The following OLFML2B variants were observed in gnomAD, a reference collection of about 807,000 sequenced individuals.
The protein encoded by OLFML2B is olfactomedin like 2B.
In OLFML2B, 57 loss-of-function variants were observed where a neutral mutation model predicts 74.9. The observed-to-expected ratio is 0.76, with a 90% CI of 0.61 to 0.95. The LOEUF is 0.95. OLFML2B is among the 40% of genes least tolerant of loss of function. OLFML2B has a pLI of 0.00. For missense variants in OLFML2B, 986 were observed against 970.6 expected (o/e 1.02, Z -0.21); for synonymous variants, 388 against 405.8 (o/e 0.96, Z 0.53).
intron 6 of OLFML2B, among the ~76,000 whole-genome samples, chr1:161,989,217 A>G (rs1689671966): frequency 6.6e-6 from 1 of 152,040 alleles, no homozygotes; most frequent in Admixed American, 6.6e-5. Context: ...ACCATCTCCA[A>G]CCACCAAGTG....
intron 6 of OLFML2B, among the ~76,000 whole-genome samples, chr1:161,991,839 C>A (rs750548995): frequency 5.9e-5 from 9 of 152,204 alleles, no homozygotes; most frequent in Non-Finnish European, 8.8e-5. Context: ...CTTTGTTGTT[C>A]CATGTATAGA....
At chr1:162,020,230 T>C (rs1690664568) in intron 1 of OLFML2B, 48 bp from the exon 2 acceptor site, 1 of 1,600,352 alleles carries the variant, frequency 6.2e-7, no homozygotes, top group South Asian at 1.1e-5. Context: ...CAGGTGTCAG[T>C]CAGCCTCCAG....
chr1:161,991,378 T>C (rs1689738768), intron 6 of OLFML2B, among the ~76,000 whole-genome samples: 1 of 152,252 alleles, frequency 6.6e-6, no homozygotes, highest in African/African-American at 2.4e-5. Context: ...TTCATCTCCT[T>C]GCACATCTCC....
At chr1:161,990,356 C>A (rs1246949374) in intron 6 of OLFML2B, among the ~76,000 whole-genome samples, 1 of 152,154 alleles carries the variant, frequency 6.6e-6, no homozygotes, top group African/African-American at 2.4e-5. Flanking sequence ...TTAATACAGG[C>A]ATACCTCAAA....
In OLFML2B at chr1:162,019,906, T is replaced by C. The variant is rs758789945; in HGVS notation, c.438+13A>G. The C allele has an allele frequency of 1.5e-5, 24 of 1,613,528 alleles. No individual in the cohort carries two copies. The African/African-American group carries it at 2.8e-4, about 19-fold the overall frequency. Reference sequence around the variant, plus strand: ...CCCTCTCGTCCAAGGCATTGCCCCATACCAGGTCCTACCTTCAAGTCCTGG... The same window carrying C: ...CCCTCTCGTCCAAGGCATTGCCCCACACCAGGTCCTACCTTCAAGTCCTGG... On this transcript the variant is annotated intron_variant, in intron 2 of 7. Transcript: ENST00000294794.
intron 3 of OLFML2B, among the ~76,000 whole-genome samples, chr1:162,007,782 G>A (rs1390518990): frequency 1.3e-5 from 2 of 152,146 alleles, no homozygotes; most frequent in African/African-American, 4.8e-5. Context: ...TACAGGGGCT[G>A]CCCAGAGAAG....
chr1:162,022,745 A>T (rs904034322), intron 1 of OLFML2B, among the ~76,000 whole-genome samples: 1 of 151,280 alleles, frequency 6.6e-6, no homozygotes, highest in Non-Finnish European at 1.5e-5. Context: ...CTCCCAGTAC[A>T]CTCCGTCATG....
At chr1:162,020,263 GT>G in intron 1 of OLFML2B, 81 bp from the exon 2 acceptor site, 1 of 1,528,256 alleles carries the variant, frequency 6.5e-7, no homozygotes, top group Non-Finnish European at 8.9e-7. Context: ...CATTTACTTA[GT>G]CAAATGTCCT....
Position 161,998,040 on chromosome 1 carries a change from G to C in OLFML2B, c.1259C>G (p.Thr420Ser). 6.2e-7 allele frequency: 1 copy of C among 1,614,146 alleles called. No individual in the cohort carries two copies. Among genetic ancestry groups the C allele is most frequent in the Non-Finnish European group, 8.5e-7 (1 of 1,180,010 alleles). ...LQPSPQVPAT[T>S]VAHTATQQPA... ...TTGCTGGGTGGCTGTGTGGGCCACA[G>C]TGGTGGCTGGTACCTGAGGAGAAGG... Residue 420 changes from threonine to serine, a missense_variant, in exon 6 of 8, where the codon ACT (threonine) becomes AGT (serine). Physicochemically the swap from Thr to Ser is moderately conservative, Grantham distance 58. Coordinates refer to ENST00000294794, the MANE Select transcript of OLFML2B (RefSeq NM_015441.3).
At chr1:162,010,257 T>C (rs898193258) in intron 3 of OLFML2B, among the ~76,000 whole-genome samples, 1 of 152,158 alleles carries the variant, frequency 6.6e-6, no homozygotes, top group Non-Finnish European at 1.5e-5. Flanking sequence ...CTCAGAGGTG[T>C]TCATAGAACA....
At position 162,019,986 on chromosome 1, in the gene OLFML2B, G is replaced by A. The variant is rs1690649998; in HGVS notation, c.371C>T (p.Ala124Val). 15 of 1,614,074 alleles carry A rather than the reference G, an allele frequency of 9.3e-6. No individual in the cohort carries two copies. Among genetic ancestry groups the A allele is most frequent in the Non-Finnish European group, 1.3e-5 (15 of 1,180,036 alleles). ...CKCACVAPPS[A>V]LNPCEGDFRL... is the part of the protein sequence containing the mutation. ...GAAGTCTCCCTCGCAGGGATTGAGG[G>A]CCGATGGGGGTGCTACACAGGCACA... Residue 124 changes from alanine (A) to valine (V), a missense_variant, in exon 2 of 8, where the codon GCC (alanine) becomes GTC (valine). Coordinates refer to ENST00000294794, the MANE Select transcript of OLFML2B (RefSeq NM_015441.3).
At chr1:162,014,427 C>T (rs897415481) in intron 3 of OLFML2B, among the ~76,000 whole-genome samples, 6 of 152,152 alleles carry the variant, frequency 3.9e-5, no homozygotes, top group African/African-American at 1.2e-4. Flanking sequence ...GGCTATATCC[C>T]ATAAATGTGT....
intron 6 of OLFML2B, among the ~76,000 whole-genome samples, chr1:161,995,205 A>G (rs1446804442): frequency 1.3e-5 from 2 of 149,888 alleles, no homozygotes; most frequent in African/African-American, 2.5e-5. Context: ...TGTTGAAGCT[A>G]GACAATGCCT....
chr1:161,996,134 G>A lies in OLFML2B; in HGVS notation c.1474+1691C>T, dbSNP rs1221004690. ...CAGCGTTCATGAGATTTTGCCCTGG[G>A]GTCCATTTCTATGGGCTATTTCACT... On this transcript the variant is annotated intron_variant, in intron 6 of 7. Coordinates refer to ENST00000294794, the MANE Select transcript of OLFML2B (RefSeq NM_015441.3). 5.9e-5 allele frequency among the ~76,000 whole-genome samples: 9 copies of A among 152,172 alleles called. No homozygotes were observed. In the South Asian group the frequency reaches 8.3e-4, roughly 14 times the overall value.
Position 162,006,405 on chromosome 1 carries a change from C to T in OLFML2B, c.615G>A (p.Glu205=). ...IKEDMEEIRT[E]MNKRGKENCS... is the part of the protein sequence containing the mutation. ...AATTTTCTTTGCCTCGCTTATTCAT[C>T]TCGGTTCGAATTTCTTCCATGTCCT... Residue 205 remains glutamate, a synonymous_variant, in exon 4 of 8, where the codon GAG becomes GAA. Coordinates refer to ENST00000294794, the MANE Select transcript of OLFML2B (RefSeq NM_015441.3). 6.2e-7 allele frequency: 1 copy of T among 1,612,358 alleles called. No individual in the cohort carries two copies. Among genetic ancestry groups the T allele is most frequent in the South Asian group, 1.1e-5 (1 of 90,916 alleles).
At chr1:162,021,532 T>C (rs1355339689) in intron 1 of OLFML2B, among the ~76,000 whole-genome samples, 1 of 152,222 alleles carries the variant, frequency 6.6e-6, no homozygotes, top group Non-Finnish European at 1.5e-5. Context: ...TGGGCAAGCA[T>C]TGAGCTTGTT....
chr1:161,984,923 C>G lies in OLFML2B; in HGVS notation c.1532G>C (p.Gly511Ala). The change falls in exon 7 of 8, where the codon GGG becomes GCG. Residue 511 changes from glycine to alanine, a missense_variant. Physicochemically the swap from Gly to Ala is moderately conservative, Grantham distance 60 (BLOSUM62 0). Coordinates refer to ENST00000294794, the MANE Select transcript of OLFML2B (RefSeq NM_015441.3). Reference sequence around the variant, plus strand: ...CTTCATCCAGGCCCCTTCATTCCGCCCATATGTGTTCTGGGTGGTCGGCCC... The same window carrying G: ...CTTCATCCAGGCCCCTTCATTCCGCGCATATGTGTTCTGGGTGGTCGGCCC... ...ITGPTTQNTY[G>A]RNEGAWMKDP... The G allele has an allele frequency of 6.2e-7, 1 of 1,611,248 alleles. No individual in the cohort carries two copies. The highest frequency in any genetic ancestry group is 1.1e-5 in the South Asian group (1 of 90,788).
At chr1:161,995,529 TAA>T (rs1288672411) in intron 6 of OLFML2B, among the ~76,000 whole-genome samples, 1 of 152,174 alleles carries the variant, frequency 6.6e-6, no homozygotes, top group African/African-American at 2.4e-5. Flanking sequence ...GAAAGAGTTA[TAA>T]GTGTCCCTGA....
chr1:162,014,731 G>A (rs1414642378), intron 3 of OLFML2B, among the ~76,000 whole-genome samples: 1 of 152,230 alleles, frequency 6.6e-6, no homozygotes, highest in Non-Finnish European at 1.5e-5. Flanking sequence ...TGGGCACAGG[G>A]GCCCAGACCC....
Sources: allele counts gnomAD v4.1 joint callset (sites outside exome capture counted in the v4.1 genomes callset), GRCh38; gene constraint gnomAD v4.1.1; transcripts MANE v1.5; gene names NCBI Gene and HGNC (gene_info 2026-07-23, HGNC 2026-07-21).